CDH13: variants seen among roughly 807,000 people sequenced by gnomAD.
The protein encoded by CDH13 is cadherin 13, also known as cadherin-13.
A neutral mutation model predicts 63.8 loss-of-function variants in CDH13; 24 were observed. The ratio of observed to expected loss-of-function variants is 0.38; its 90% CI spans 0.27 to 0.53. The LOEUF (loss-of-function observed/expected upper bound fraction) is 0.53, where lower values mean the gene tolerates loss of function less well. CDH13 is among the 20% of genes least tolerant of loss of function. The pLI is 0.85. For missense variants in CDH13, 1,049 were observed against 903.1 expected, an observed-to-expected ratio of 1.16 and a Z score of -2.07; for synonymous variants, 503 against 355.3, an observed-to-expected ratio of 1.42 and a Z score of -4.67.
intron 6 of CDH13, among the ~76,000 whole-genome samples, chr16:83,442,712 C>G (rs1296979601): frequency 1.3e-5 from 2 of 152,336 alleles, no homozygotes; most frequent in Middle Eastern, 3.4e-3. Context: ...TTTAGAATCT[C>G]TAACTTCATT....
chr16:82,773,227 T>C (rs2035342799), intron 1 of CDH13: 1 of 152,252 alleles, frequency 6.6e-6, no homozygotes, highest in South Asian at 2.1e-4. Flanking sequence ...TTTTTTGTGG[T>C]AAGAGAGATA....
intron 10 of CDH13, among the ~76,000 whole-genome samples, chr16:83,696,586 A>G (rs1905440694): frequency 6.6e-6 from 1 of 152,170 alleles, no homozygotes; most frequent in African/African-American, 2.4e-5. Flanking sequence ...CTTCACCCTA[A>G]AGTTATAAAG....
intron 8 of CDH13, among the ~76,000 whole-genome samples, chr16:83,613,697 G>C (rs1157884019): frequency 6.6e-6 from 1 of 152,080 alleles, no homozygotes; most frequent in Non-Finnish European, 1.5e-5. Context: ...GTCAGGCGTG[G>C]TGGCGCCCAC....
In CDH13 at chr16:83,511,416, C is replaced by A. The variant is rs190550227; in HGVS notation, c.960+24761C>A. Among the ~76,000 whole-genome samples, 3 of 151,558 alleles carry A rather than the reference C, an allele frequency of 2.0e-5. No individual in the cohort carries two copies. The East Asian group carries it at 5.8e-4, about 29-fold the overall frequency. On this transcript the variant is annotated intron_variant, in intron 7 of 13. Coordinates refer to ENST00000567109, the MANE Select transcript of CDH13 (RefSeq NM_001257.5). Reference sequence around the variant, plus strand: ...GGCCAAGGTTGCAGTGAGCTGAGATCACGCCACTGCACAGCAGCCTGGGGG... The same window carrying A: ...GGCCAAGGTTGCAGTGAGCTGAGATAACGCCACTGCACAGCAGCCTGGGGG...
chr16:83,078,722 A>G (rs1254303863), intron 3 of CDH13, among the ~76,000 whole-genome samples: 2 of 152,194 alleles, frequency 1.3e-5, no homozygotes, highest in African/African-American at 2.4e-5. Flanking sequence ...AGCCAGAAAA[A>G]TGGGAAATTT....
At chr16:82,941,946 A>G (rs1904292752) in intron 2 of CDH13, among the ~76,000 whole-genome samples, 1 of 152,192 alleles carries the variant, frequency 6.6e-6, no homozygotes, top group African/African-American at 2.4e-5. Context: ...TATCCTGAAT[A>G]TAAGTCTGTC....
At chr16:82,699,683 C>T (rs184707919) in intron 1 of CDH13, among the ~76,000 whole-genome samples, 1 of 152,222 alleles carries the variant, frequency 6.6e-6, no homozygotes, top group Non-Finnish European at 1.5e-5. Flanking sequence ...TGCATCCTTA[C>T]ACTTAATCCA....
At chr16:82,856,056 A>C (rs1179124390) in intron 1 of CDH13, among the ~76,000 whole-genome samples, 1 of 152,072 alleles carries the variant, frequency 6.6e-6, no homozygotes, top group African/African-American at 2.4e-5. Context: ...AAGTAATTTG[A>C]GTGATGGCAG....
At chr16:83,352,378 C>T (rs1192019814) in intron 6 of CDH13, among the ~76,000 whole-genome samples, 2 of 152,042 alleles carry the variant, frequency 1.3e-5, no homozygotes, top group African/African-American at 4.8e-5. Flanking sequence ...GAAATGTAAA[C>T]AAATACAACT....
intron 3 of CDH13, among the ~76,000 whole-genome samples, chr16:83,118,954 T>C (rs1308432166): frequency 6.6e-6 from 1 of 152,116 alleles, no homozygotes; most frequent in African/African-American, 2.4e-5. Flanking sequence ...TCAGCCCCAT[T>C]CCTTGTCTCC....
chr16:82,899,389 G>T (rs1027088697), intron 2 of CDH13, among the ~76,000 whole-genome samples: 5 of 152,170 alleles, frequency 3.3e-5, no homozygotes, highest in African/African-American at 1.2e-4. Flanking sequence ...TTACGCAAAA[G>T]CCATGTTTTA....
intron 5 of CDH13, among the ~76,000 whole-genome samples, chr16:83,249,255 G>C (rs1201853895): frequency 2.0e-5 from 3 of 152,172 alleles, no homozygotes; most frequent in Non-Finnish European, 4.4e-5. Flanking sequence ...TGGCACGCTT[G>C]AGCCAGCTCA....
At chr16:82,677,514 C>T (rs1387100609) in intron 1 of CDH13, among the ~76,000 whole-genome samples, 1 of 147,720 alleles carries the variant, frequency 6.8e-6, no homozygotes, top group Non-Finnish European at 1.5e-5. Flanking sequence ...TGCTGAACAC[C>T]TTTGAAGTAA....
chr16:82,711,109 C>T lies in CDH13; in HGVS notation c.45+83972C>T, dbSNP rs1050640214. 3.3e-5 allele frequency among the ~76,000 whole-genome samples: 5 copies of T among 152,120 alleles called. No individual in the cohort carries two copies. The South Asian group carries it at 6.2e-4, about 19-fold the overall frequency. ...TCTGAATACCTCCTGGCAGTTTCTA[C>T]GTCTTTCTCAGGGCTTCTAAATAGG... On this transcript the variant is annotated intron_variant, in intron 1 of 13. Coordinates refer to ENST00000567109, the MANE Select transcript of CDH13 (RefSeq NM_001257.5).
At chr16:83,509,717 G>T (rs541323761) in intron 7 of CDH13, among the ~76,000 whole-genome samples, 61 of 152,276 alleles carry the variant, frequency 4.0e-4, no homozygotes, top group African/African-American at 1.4e-3. Flanking sequence ...GTCCTTTTTG[G>T]TGGTAGTAAA....
intron 2 of CDH13, among the ~76,000 whole-genome samples, chr16:82,923,613 C>G (rs893979773): frequency 6.6e-6 from 1 of 152,156 alleles, no homozygotes; most frequent in Non-Finnish European, 1.5e-5. Context: ...AGCCACTTTA[C>G]TTTCCTGAGT....
At chr16:82,680,017 G>C (rs977714720) in intron 1 of CDH13, among the ~76,000 whole-genome samples, 3 of 152,144 alleles carry the variant, frequency 2.0e-5, no homozygotes, top group African/African-American at 7.2e-5. Context: ...GTCTTCTTTG[G>C]AATGGAGGTT....
chr16:83,286,592 C>T (rs1186675331), intron 5 of CDH13, among the ~76,000 whole-genome samples: 1 of 151,864 alleles, frequency 6.6e-6, no homozygotes, highest in Non-Finnish European at 1.5e-5. Context: ...CCTGTCTCTA[C>T]TAAAATATAA....
intron 4 of CDH13, among the ~76,000 whole-genome samples, chr16:83,212,235 G>C (rs1317017464): frequency 6.6e-6 from 1 of 151,812 alleles, no homozygotes. Flanking sequence ...GTGTATCCTT[G>C]GGTTATGGTC....
Sources: allele counts gnomAD v4.1 joint callset (sites outside exome capture counted in the v4.1 genomes callset), GRCh38; gene constraint gnomAD v4.1.1; transcripts MANE v1.5; gene names NCBI Gene and HGNC (gene_info 2026-07-23, HGNC 2026-07-21).